The following ANKS1B variants were observed in gnomAD, a reference collection of about 807,000 sequenced individuals.
The protein encoded by ANKS1B is ankyrin repeat and sterile alpha motif domain-containing protein 1B.
Under a neutral mutation model 148.3 loss-of-function variants are expected in ANKS1B, and 36 were observed. The observed-to-expected ratio is 0.24, with a 90% confidence interval of 0.19 to 0.32. The LOEUF (loss-of-function observed/expected upper bound fraction) is 0.32, where lower values mean the gene tolerates loss of function less well. ANKS1B is among the 10% of genes least tolerant of loss of function. The pLI is 1.00. For missense variants in ANKS1B, 1,157 were observed against 1,542.6 expected, an observed-to-expected ratio of 0.75 and a Z score of 4.19; for synonymous variants, 542 against 560.8, an observed-to-expected ratio of 0.97 and a Z score of 0.47.
At chr12:99,213,919 T>C (rs150252900) in intron 14 of ANKS1B, among the ~76,000 whole-genome samples, 15 of 152,258 alleles carry the variant, frequency 9.9e-5, no homozygotes, top group East Asian at 3.9e-4. Context: ...TAGTTTTTCA[T>C]AGGATTTTAG....
intron 6 of ANKS1B, 96 bp from the exon 7 acceptor site, chr12:99,775,757 AT>A: frequency 1.6e-6 from 1 of 636,436 alleles, no homozygotes; most frequent in South Asian, 3.3e-5. Flanking sequence ...TTTTTCATTT[AT>A]TTTTTCATAT....
At chr12:99,506,790 A>G (rs1236775217) in intron 9 of ANKS1B, among the ~76,000 whole-genome samples, 1 of 152,046 alleles carries the variant, frequency 6.6e-6, no homozygotes, top group Non-Finnish European at 1.5e-5. Context: ...TTTTAAAATA[A>G]AAAGGCACTA....
At chr12:99,688,711 G>A (rs1386850743) in intron 8 of ANKS1B, among the ~76,000 whole-genome samples, 3 of 152,074 alleles carry the variant, frequency 2.0e-5, no homozygotes, top group African/African-American at 7.2e-5. Flanking sequence ...CACACCTGTA[G>A]TCCAAACTAC....
At chr12:98,844,801 G>A (rs2099438362) in intron 17 of ANKS1B, among the ~76,000 whole-genome samples, 1 of 152,026 alleles carries the variant, frequency 6.6e-6, no homozygotes, top group Non-Finnish European at 1.5e-5. Context: ...TTTTATTAAT[G>A]GCATCAAAAT....
intron 17 of ANKS1B, among the ~76,000 whole-genome samples, chr12:98,932,286 T>A (rs551425310): frequency 8.8e-4 from 134 of 152,312 alleles, no homozygotes; most frequent in African/African-American, 3.0e-3. Context: ...TAGTCACTTG[T>A]ATAAGAAGAG....
chr12:99,802,173 CT>C (rs2153657382), intron 4 of ANKS1B, among the ~76,000 whole-genome samples: 1 of 152,230 alleles, frequency 6.6e-6, no homozygotes, highest in African/African-American at 2.4e-5. Flanking sequence ...GAAACTTGTA[CT>C]TTTTATTATT....
chr12:98,822,813 A>T (rs2099209969), intron 19 of ANKS1B, among the ~76,000 whole-genome samples: 1 of 152,204 alleles, frequency 6.6e-6, no homozygotes, highest in African/African-American at 2.4e-5. Context: ...AAAACAATCT[A>T]GACCTGTAAG....
chr12:99,929,960 A>C (rs2153807231), intron 1 of ANKS1B, among the ~76,000 whole-genome samples: 1 of 152,312 alleles, frequency 6.6e-6, no homozygotes, highest in Admixed American at 6.5e-5. Flanking sequence ...CTTTTGGCTT[A>C]GGATTGACTT....
chr12:99,185,086 T>C (rs1024779616), intron 14 of ANKS1B, among the ~76,000 whole-genome samples: 1 of 152,206 alleles, frequency 6.6e-6, no homozygotes, highest in Non-Finnish European at 1.5e-5. Flanking sequence ...ACTGACACTT[T>C]TGGTCCAAGA....
intron 1 of ANKS1B, among the ~76,000 whole-genome samples, chr12:99,848,643 T>C (rs1405451033): frequency 2.0e-5 from 3 of 152,158 alleles, no homozygotes; most frequent in Non-Finnish European, 2.9e-5. Flanking sequence ...GTCAATTTCA[T>C]ATCTATATAC....
At chr12:99,085,561 A>T (rs2051415243) in intron 15 of ANKS1B, among the ~76,000 whole-genome samples, 2 of 152,140 alleles carry the variant, frequency 1.3e-5, no homozygotes, top group South Asian at 4.1e-4. Context: ...AGTGAGAGTT[A>T]ATACTTAATT....
chr12:99,236,743 C>G (rs1004605820), intron 14 of ANKS1B, among the ~76,000 whole-genome samples: 1 of 152,180 alleles, frequency 6.6e-6, no homozygotes, highest in East Asian at 1.9e-4. Flanking sequence ...TGCTGATTTT[C>G]AAGGAGAATG....
intron 17 of ANKS1B, chr12:98,895,358 G>A: frequency 7.2e-6 from 7 of 972,628 alleles, no homozygotes; most frequent in Non-Finnish European, 6.1e-6. Flanking sequence ...TAGCAGCGGC[G>A]CGGCTCCGCG....
chr12:98,945,509 A>C (rs1965485), intron 17 of ANKS1B, among the ~76,000 whole-genome samples: 833 of 25,948 alleles, frequency 0.032, 47 homozygotes, highest in Non-Finnish European at 0.089. Flanking sequence ...AACAAACAAA[A>C]AAAAAAAAAA....
In ANKS1B at chr12:99,667,353, A is replaced by AAAAGAAAAGAAAAGAAAAG. The variant is rs374474811; in HGVS notation, c.1129-12144_1129-12143insCTTTTCTTTTCTTTTCTTT. Among the ~76,000 whole-genome samples, 113 of 148,188 alleles carry AAAAGAAAAGAAAAGAAAAG rather than the reference A, an allele frequency of 7.6e-4. 1 individual carries two copies. Among genetic ancestry groups the AAAAGAAAAGAAAAGAAAAG allele is most frequent in the African/African-American group, 2.8e-3 (108 of 38,860 alleles). On this transcript the variant is annotated intron_variant, in intron 8 of 26. Transcript: ENST00000683438. ...GACAGAGCGAGACTCTGTCTCAAAAAAAAAGAAAAGAAAAGAAAAGAAAAG... is the reference window on the plus strand; with the variant it reads ...GACAGAGCGAGACTCTGTCTCAAAAAAAAGAAAAGAAAAGAAAAGAAAAGAAAAGAAAAGAAAAGAAAAG...
intron 9 of ANKS1B, among the ~76,000 whole-genome samples, chr12:99,523,341 T>C (rs562073218): frequency 6.6e-6 from 1 of 152,210 alleles, no homozygotes; most frequent in South Asian, 2.1e-4. Context: ...GACAAACATT[T>C]AAAAGGTAAA....
intron 19 of ANKS1B, among the ~76,000 whole-genome samples, chr12:98,818,206 T>G (rs867037567): frequency 3.1e-5 from 4 of 127,766 alleles, no homozygotes; most frequent in Non-Finnish European, 6.4e-5. Flanking sequence ...CCTCCCTCCC[T>G]CTTTCCCTCT....
intron 8 of ANKS1B, among the ~76,000 whole-genome samples, chr12:99,748,372 C>G (rs1261600570): frequency 1.3e-5 from 2 of 151,532 alleles, no homozygotes; most frequent in African/African-American, 4.8e-5. Flanking sequence ...AAACATACTT[C>G]AAGTAAATCT....
At chr12:99,907,386 C>T (rs1247959867) in intron 1 of ANKS1B, among the ~76,000 whole-genome samples, 3 of 152,188 alleles carry the variant, frequency 2.0e-5, no homozygotes, top group African/African-American at 7.2e-5. Flanking sequence ...CATGTTCTCA[C>T]TGACTGCTAA....
Sources: gnomAD v4.1 joint callset for allele counts (sites outside exome capture counted in the v4.1 genomes callset) on GRCh38, gnomAD v4.1.1 for gene constraint, MANE v1.5 for transcripts, NCBI Gene and HGNC (gene_info 2026-07-23, HGNC 2026-07-21) for gene names.